GSR: variants seen among roughly 807,000 people sequenced by gnomAD.
The protein encoded by GSR is glutathione reductase, mitochondrial.
In GSR, 48 loss-of-function variants were observed where a neutral mutation model predicts 56.5. The ratio of observed to expected loss-of-function variants is 0.85; its 90% CI spans 0.67 to 1.08. GSR has a LOEUF of 1.08. Among genes scored for constraint, GSR ranks in the 50% least tolerant of loss-of-function variants. The pLI, the probability that GSR is intolerant of heterozygous loss-of-function variation, is 0.00. For synonymous variants in GSR, 264 were observed against 270.8 expected (o/e 0.97, Z 0.25); for missense variants, 694 against 703.3 (o/e 0.99, Z 0.15).
chr8:30,682,795 T>C (rs1803003199), intron 10 of GSR, among the ~76,000 whole-genome samples: 1 of 151,726 alleles, frequency 6.6e-6, no homozygotes. Flanking sequence ...CCACTGCGCC[T>C]AGAATCTTTA....
intron 6 of GSR, among the ~76,000 whole-genome samples, chr8:30,699,096 G>A (rs1016786021): frequency 5.3e-5 from 8 of 151,972 alleles, no homozygotes; most frequent in Non-Finnish European, 7.4e-5. Flanking sequence ...GACCAGCCTG[G>A]ACAACAGAAC....
chr8:30,707,975 A>C lies in GSR; in HGVS notation c.492+97T>G. The C allele has an allele frequency of 5.6e-6, 4 of 713,916 alleles. 1 individual carries two copies. The highest frequency in any genetic ancestry group is 9.3e-6 in the Non-Finnish European group (4 of 430,200). 44.2% of individuals were successfully genotyped at this position (713,916 alleles called of 1,614,324 possible). A position where few individuals can be genotyped will look rare whatever the true frequency, so the allele number is the denominator to read the frequency against. ...CTGTCTCCAAAAAAATAATAATAAA[A>C]ATAAATAAATAAATAGGGCTACAGT... On this transcript the variant is annotated intron_variant, in intron 4 of 12. Transcript: ENST00000221130.
Position 30,681,963 on chromosome 8 carries a change from G to A in GSR, c.1252C>T (p.His418Tyr). ...YNNIPTVVFS[H>Y]PPIGTVGLTE... The stretch of plus-strand genomic sequence containing the variant: ...AGTCCCACTGTCCCAATAGGGGGGT[G>A]GCTGAAGACCACAGTTGGGATGTTG... Residue 418 changes from histidine to tyrosine, a missense_variant, in exon 11 of 13, where the codon CAC becomes TAC. By Grantham distance (83) the His-to-Tyr change is moderately conservative. Transcript: ENST00000221130. 1 of 1,613,254 alleles carries A rather than the reference G, an allele frequency of 6.2e-7. No individual in the cohort carries two copies. The highest frequency in any genetic ancestry group is 2.2e-5 in the East Asian group (1 of 44,870).
rs753663283 is a variant in GSR, at chr8:30,713,398, G to A, written c.307-1310C>T. On this transcript the variant is annotated intron_variant, in intron 1 of 12. Transcript: ENST00000221130. ...TTTTGAGACTGAGTCTCACTATATC[G>A]CGCAGGCTGGAGTATAGTGGCAAGA... is the stretch of plus-strand genomic sequence containing the variant. Among the ~76,000 whole-genome samples, 9 of 150,722 alleles carry A rather than the reference G, an allele frequency of 6.0e-5. No homozygotes were observed. In the East Asian group the frequency reaches 9.7e-4, roughly 16 times the overall value.
At chr8:30,709,996 C>A in intron 2 of GSR, 94 bp from the exon 3 acceptor site, 1 of 738,504 alleles carries the variant, frequency 1.4e-6, no homozygotes, top group Non-Finnish European at 2.3e-6. Flanking sequence ...TAGGTAACAG[C>A]AGATAAAAAT....
chr8:30,691,551 C>T (rs938298978), intron 8 of GSR, among the ~76,000 whole-genome samples: 4 of 149,060 alleles, frequency 2.7e-5, no homozygotes, highest in African/African-American at 7.4e-5. Flanking sequence ...CATGGTGGTG[C>T]GTGACTGTAA....
chr8:30,713,754 T>C (rs1402652159), intron 1 of GSR, among the ~76,000 whole-genome samples: 2 of 152,372 alleles, frequency 1.3e-5, no homozygotes, highest in South Asian at 2.1e-4. Context: ...AGGTTGACTA[T>C]AACTAGTGTT....
intron 1 of GSR, chr8:30,727,066 C>T (rs1804750394): frequency 6.5e-6 from 1 of 154,806 alleles, no homozygotes; most frequent in African/African-American, 2.4e-5. Flanking sequence ...AGGTTGACAA[C>T]AACCGCTATA....
chr8:30,709,650 G>A (rs1804038951), intron 3 of GSR, among the ~76,000 whole-genome samples, 164 bp downstream of exon 3: 1 of 152,062 alleles, frequency 6.6e-6, no homozygotes, highest in African/African-American at 2.4e-5. Context: ...ATGTGAATGC[G>A]CTTAATGGCA....
intron 1 of GSR, among the ~76,000 whole-genome samples, chr8:30,724,767 C>G (rs1238693846): frequency 1.3e-5 from 2 of 152,100 alleles, no homozygotes; most frequent in African/African-American, 4.8e-5. Flanking sequence ...AACTCCTGAC[C>G]TCAGGTGATC....
chr8:30,706,174 C>CAA (rs78497840), intron 4 of GSR, among the ~76,000 whole-genome samples: 2 of 104,074 alleles, frequency 1.9e-5, no homozygotes, highest in African/African-American at 3.6e-5. Flanking sequence ...AGACCCTTTT[C>CAA]AAAAAAAAAA....
At chr8:30,679,706 C>A in intron 12 of GSR, 37 bp from the exon 13 acceptor site, 55 of 1,305,862 alleles carry the variant, frequency 4.2e-5, no homozygotes, top group African/African-American at 6.2e-5. Flanking sequence ...TTTCTTTCTT[C>A]TTTTTTTTTT....
intron 1 of GSR, 32 bp downstream of exon 1, chr8:30,727,498 G>A (rs555770555): frequency 1.3e-6 from 2 of 1,524,222 alleles, no homozygotes; most frequent in South Asian, 1.2e-5. Context: ...ACAAAGAGGC[G>A]CCCCCCGCCC....
intron 4 of GSR, among the ~76,000 whole-genome samples, chr8:30,703,677 G>A (rs898088138): frequency 2.6e-5 from 4 of 151,760 alleles, no homozygotes; most frequent in South Asian, 4.2e-4. Context: ...AATCTGGGAG[G>A]TTGAGGCTGC....
At chr8:30,698,995 A>T (rs1444390165) in intron 6 of GSR, among the ~76,000 whole-genome samples, 1 of 152,152 alleles carries the variant, frequency 6.6e-6, no homozygotes, top group Non-Finnish European at 1.5e-5. Flanking sequence ...CCCTCTATGA[A>T]TCTAAATCCA....
chr8:30,708,875 C>A (rs1312363457), intron 3 of GSR, among the ~76,000 whole-genome samples: 3 of 149,344 alleles, frequency 2.0e-5, no homozygotes, highest in Non-Finnish European at 4.4e-5. Context: ...AGGAGAATGG[C>A]GTGAACCCGG....
At chr8:30,689,351 T>TGG in intron 8 of GSR, 32 bp from the exon 9 acceptor site, 1 of 1,596,656 alleles carries the variant, frequency 6.3e-7, no homozygotes, top group Non-Finnish European at 8.6e-7. Context: ...TACACATGTG[T>TGG]GGAGGCTCAG....
At chr8:30,697,695 G>A (rs1443928382) in intron 6 of GSR, among the ~76,000 whole-genome samples, 4 of 152,122 alleles carry the variant, frequency 2.6e-5, no homozygotes, top group Non-Finnish European at 5.9e-5. Flanking sequence ...TGTTTTTAAA[G>A]CTCTTTAGCC....
chr8:30,703,993 G>C (rs1408387887), intron 4 of GSR, among the ~76,000 whole-genome samples: 1 of 152,108 alleles, frequency 6.6e-6, no homozygotes, highest in Non-Finnish European at 1.5e-5. Flanking sequence ...AGAATTGAGG[G>C]CGAAAGTTCC....
Sources: allele counts gnomAD v4.1 joint callset (sites outside exome capture counted in the v4.1 genomes callset), GRCh38; gene constraint gnomAD v4.1.1; transcripts MANE v1.5; gene names NCBI Gene and HGNC (gene_info 2026-07-23, HGNC 2026-07-21).